Variants in RGSL1 observed in about 807,000 individuals in gnomAD.
RGSL1 encodes regulator of G protein signaling like 1.
Under a neutral mutation model 124.7 loss-of-function variants are expected in RGSL1, and 97 were observed. That is an observed-to-expected ratio of 0.78 (90% confidence interval 0.66 to 0.92). RGSL1 has a LOEUF of 0.92. RGSL1 is among the 40% of genes least tolerant of loss of function. The probability of loss-of-function intolerance (pLI) is 0.00; values close to 1 mark genes in which losing one functional copy is unlikely to be tolerated. For synonymous variants in RGSL1, 424 were observed against 438.1 expected (o/e 0.97, Z 0.40); for missense variants, 1,233 against 1,288.4 (o/e 0.96, Z 0.66).
chr1:182,489,110 T>A lies in RGSL1; in HGVS notation c.1625T>A (p.Met542Lys). 1.3e-6 allele frequency: 2 copies of A among 1,551,560 alleles called. No homozygotes were observed. The part of the protein sequence containing the change: ...LSQALADMKE[M>K]DYRQWRKIAT... ...CAGGCTTTGGCTGACATGAAGGAAA[T>A]GGACTATAGGCAGTGGCGAAAGATA... The change falls in exon 8 of 22, where the codon ATG becomes AAG. Residue 542 changes from methionine to lysine, a missense_variant. Coordinates refer to ENST00000294854, the MANE Select transcript of RGSL1 (RefSeq NM_001137669.2).
At chr1:182,530,743 G>T in intron 12 of RGSL1, 47 bp from the exon 13 acceptor site, 1 of 1,479,030 alleles carries the variant, frequency 6.8e-7, no homozygotes, top group Non-Finnish European at 9.0e-7. Context: ...CATCTTTTAT[G>T]TGCCAGGTTT....
intron 4 of RGSL1, among the ~76,000 whole-genome samples, chr1:182,467,464 C>T (rs1351911370): frequency 2.0e-5 from 3 of 152,136 alleles, no homozygotes; most frequent in Non-Finnish European, 4.4e-5. Context: ...AATAATGCCA[C>T]ATATCTACAA....
chr1:182,554,782 A>G (rs913885690), intron 20 of RGSL1, 89 bp downstream of exon 20: 3 of 1,259,648 alleles, frequency 2.4e-6, no homozygotes, highest in Non-Finnish European at 2.3e-6. Flanking sequence ...TCCAGAGACT[A>G]GCCTCATACC....
intron 10 of RGSL1, among the ~76,000 whole-genome samples, chr1:182,525,254 C>T (rs1233135394): frequency 6.6e-6 from 1 of 151,976 alleles, no homozygotes; most frequent in African/African-American, 2.4e-5. Flanking sequence ...AAACAAAAAT[C>T]CCAGGAAAGT....
intron 10 of RGSL1, among the ~76,000 whole-genome samples, chr1:182,523,788 T>C (rs1245587624): frequency 6.6e-6 from 1 of 152,220 alleles, no homozygotes; most frequent in Non-Finnish European, 1.5e-5. Context: ...GACATAGTCC[T>C]TGCCCTTAAT....
chr1:182,488,286 T>C lies in RGSL1; in HGVS notation c.1433T>C (p.Met478Thr), dbSNP rs1305859418. The change falls in exon 7 of 22, where the codon ATG (methionine) becomes ACG (threonine). Residue 478 changes from methionine (M) to threonine (T), a missense_variant and splice_region_variant. By Grantham distance (81) the Met-to-Thr change is moderately conservative. Transcript: ENST00000294854. ...IPKAQKEICKMLSPWYDEFLD... is the reference protein window; with the variant it reads ...IPKAQKEICKTLSPWYDEFLD... ...GCATATGCTGTGTTTGGTTTTCAGA[T>C]GCTCAGTCCCTGGTATGATGAGTTT... 1.0e-5 allele frequency: 16 copies of C among 1,552,246 alleles called. No individual in the cohort carries two copies. Among genetic ancestry groups the C allele is most frequent in the Middle Eastern group, 1.7e-4 (1 of 5,996 alleles).
intron 12 of RGSL1, 54 bp from the exon 13 acceptor site, chr1:182,530,736 C>CT: frequency 6.8e-7 from 1 of 1,474,070 alleles, no homozygotes; most frequent in Non-Finnish European, 9.0e-7. Flanking sequence ...GGACTGTCAT[C>CT]TTTTATGTGC....
chr1:182,522,152 G>A, intron 10 of RGSL1, 43 bp downstream of exon 10: 1 of 1,396,362 alleles, frequency 7.2e-7, no homozygotes. Context: ...TCAGGTACAT[G>A]CTTTTGAAAA....
chr1:182,518,062 C>T (rs570619102), intron 9 of RGSL1, among the ~76,000 whole-genome samples: 6 of 38,062 alleles, frequency 1.6e-4, no homozygotes, highest in African/African-American at 6.2e-4. Context: ...TGTTTTGAGA[C>T]AGAGTTTTGC....
intron 1 of RGSL1, among the ~76,000 whole-genome samples, chr1:182,451,401 A>G (rs1484653257): frequency 1.3e-5 from 2 of 152,204 alleles, no homozygotes; most frequent in African/African-American, 4.8e-5. Context: ...CTACCATTGC[A>G]GTAGATTCTA....
intron 18 of RGSL1, among the ~76,000 whole-genome samples, chr1:182,551,523 C>A (rs376988091): frequency 6.6e-6 from 1 of 152,198 alleles, no homozygotes; most frequent in Admixed American, 6.5e-5. Flanking sequence ...GCCCCCTGCT[C>A]TATCTCCATT....
At chr1:182,493,294 A>G (rs1203648491) in intron 9 of RGSL1, among the ~76,000 whole-genome samples, 165 bp downstream of exon 9, 1 of 152,206 alleles carries the variant, frequency 6.6e-6, no homozygotes, top group African/African-American at 2.4e-5. Flanking sequence ...TTTTTCTCCT[A>G]CGAAACCACA....
chr1:182,552,516 C>T (rs76945614), intron 18 of RGSL1, among the ~76,000 whole-genome samples: 2,600 of 152,232 alleles, frequency 0.017, 83 homozygotes, highest in African/African-American at 0.06. Flanking sequence ...CCAAAGAAAA[C>T]AGGTCTGTGA....
At chr1:182,511,364 A>G (rs1021068333) in intron 9 of RGSL1, among the ~76,000 whole-genome samples, 12 of 152,096 alleles carry the variant, frequency 7.9e-5, no homozygotes, top group Admixed American at 4.6e-4. Flanking sequence ...GGGTTTCTCT[A>G]TGTTGGTCAG....
chr1:182,517,528 C>A (rs972557565), intron 9 of RGSL1, among the ~76,000 whole-genome samples: 5 of 151,998 alleles, frequency 3.3e-5, no homozygotes, highest in African/African-American at 1.2e-4. Flanking sequence ...CTTTTGAGAT[C>A]ACTTTCTATA....
intron 6 of RGSL1, among the ~76,000 whole-genome samples, chr1:182,487,774 A>G (rs1420760900): frequency 2.0e-5 from 3 of 152,240 alleles, no homozygotes; most frequent in Non-Finnish European, 4.4e-5. Flanking sequence ...TTGTCAAATG[A>G]ATGAATGAAT....
chr1:182,465,248 A>G (rs1160419873), intron 4 of RGSL1, among the ~76,000 whole-genome samples: 1 of 152,174 alleles, frequency 6.6e-6, no homozygotes, highest in Non-Finnish European at 1.5e-5. Flanking sequence ...ATCAAAAGAT[A>G]TAGAAAATCT....
intron 11 of RGSL1, among the ~76,000 whole-genome samples, chr1:182,528,973 A>G (rs1348085919): frequency 6.6e-6 from 1 of 152,188 alleles, no homozygotes; most frequent in Non-Finnish European, 1.5e-5. Flanking sequence ...TAAAACCATC[A>G]GATCTCATGA....
At chr1:182,509,821 C>A (rs1260494370) in intron 9 of RGSL1, among the ~76,000 whole-genome samples, 2 of 129,642 alleles carry the variant, frequency 1.5e-5, no homozygotes, top group African/African-American at 3.0e-5. Context: ...GGGGCTGACC[C>A]CCCCCCACCT....
Sources: allele counts gnomAD v4.1 joint callset (sites outside exome capture counted in the v4.1 genomes callset), GRCh38; gene constraint gnomAD v4.1.1; transcripts MANE v1.5; gene names NCBI Gene and HGNC (gene_info 2026-07-23, HGNC 2026-07-21).